The following NCKAP5 variants were observed in gnomAD, a reference collection of about 807,000 sequenced individuals.
NCKAP5 encodes NCK associated protein 5, also known as nck-associated protein 5.
Under a neutral mutation model 167.0 loss-of-function variants are expected in NCKAP5, and 92 were observed. The observed-to-expected ratio is 0.55, with a 90% confidence interval of 0.47 to 0.66. The LOEUF is 0.66. Among genes scored for constraint, NCKAP5 ranks in the 30% least tolerant of loss-of-function variants. NCKAP5 has a pLI of 0.00. For missense variants in NCKAP5, 2,378 were observed against 2,315.0 expected, an observed-to-expected ratio of 1.03 and a Z score of -0.56; for synonymous variants, 891 against 877.4, an observed-to-expected ratio of 1.02 and a Z score of -0.27.
intron 11 of NCKAP5, among the ~76,000 whole-genome samples, chr2:132,839,069 C>T (rs573341833): frequency 1.3e-5 from 2 of 152,244 alleles, no homozygotes; most frequent in Non-Finnish European, 2.9e-5. Context: ...ATGTCTTTTT[C>T]TTGTCCATTT....
chr2:133,076,438 A>G (rs2080605055), intron 6 of NCKAP5, among the ~76,000 whole-genome samples: 1 of 152,204 alleles, frequency 6.6e-6, no homozygotes, highest in Non-Finnish European at 1.5e-5. Context: ...AATTCTAAAT[A>G]AATCTTTTAC....
intron 8 of NCKAP5, among the ~76,000 whole-genome samples, chr2:132,927,723 AT>A (rs1468386213): frequency 6.6e-6 from 1 of 151,994 alleles, no homozygotes; most frequent in Non-Finnish European, 1.5e-5. Context: ...TTGATTTTGT[AT>A]CCTGAAACTT....
chr2:132,803,581 T>C (rs1685201972), intron 11 of NCKAP5, among the ~76,000 whole-genome samples: 1 of 152,236 alleles, frequency 6.6e-6, no homozygotes, highest in South Asian at 2.1e-4. Context: ...ATTCGTGGTC[T>C]CTGCAGCTTA....
Position 133,444,393 on chromosome 2 carries a change from TAG to T in NCKAP5, c.69+73063_69+73064del, listed in dbSNP as rs376451062. On this transcript the variant is annotated intron_variant, in intron 3 of 19. Coordinates refer to ENST00000409261, the MANE Select transcript of NCKAP5 (RefSeq NM_207363.3). Reference sequence around the variant, plus strand: ...ATAGATAGATAGATAGATAGATAGATAGATAGATAGATAGATATAGATATAGA... The same window carrying T: ...ATAGATAGATAGATAGATAGATAGATATAGATAGATAGATATAGATATAGA... Among the ~76,000 whole-genome samples, 696 of 147,840 alleles carry T rather than the reference TAG, an allele frequency of 4.7e-3. 5 individuals carry two copies. Among genetic ancestry groups the T allele is most frequent in the African/African-American group, 0.017 (630 of 37,890 alleles).
At chr2:133,326,079 G>C (rs1194277615) in intron 3 of NCKAP5, among the ~76,000 whole-genome samples, 1 of 152,132 alleles carries the variant, frequency 6.6e-6, no homozygotes, top group Non-Finnish European at 1.5e-5. Context: ...TCTTTAATTT[G>C]TTCTGGACAG....
chr2:133,543,631 C>A (rs1268014987), intron 2 of NCKAP5, among the ~76,000 whole-genome samples: 1 of 152,228 alleles, frequency 6.6e-6, no homozygotes, highest in Non-Finnish European at 1.5e-5. Context: ...TGGCCCCAGG[C>A]CTTTGGCTTT....
intron 3 of NCKAP5, among the ~76,000 whole-genome samples, chr2:133,450,430 C>G (rs535829524): frequency 1.3e-5 from 2 of 152,142 alleles, no homozygotes; most frequent in South Asian, 4.1e-4. Flanking sequence ...TCCATTAATG[C>G]GGCCTATGGT....
At chr2:133,612,783 G>T in the NCKAP5 span, among the ~76,000 whole-genome samples, 1 of 152,158 alleles carries the variant, frequency 6.6e-6, no homozygotes, top group Admixed American at 6.5e-5. Context: ...TGAATACTAA[G>T]AACTACTTTT....
At chr2:133,288,214 A>C (rs1679304954) in intron 4 of NCKAP5, among the ~76,000 whole-genome samples, 2 of 152,180 alleles carry the variant, frequency 1.3e-5, no homozygotes, top group Admixed American at 1.3e-4. Flanking sequence ...CTTTTGGTAC[A>C]TTTTGAATTA....
intron 3 of NCKAP5, among the ~76,000 whole-genome samples, chr2:133,493,080 G>C (rs1487213184): frequency 1.3e-5 from 2 of 152,226 alleles, no homozygotes; most frequent in Non-Finnish European, 2.9e-5. Context: ...AACAGTTCAA[G>C]TGACATTAAA....
chr2:133,481,265 GAA>G (rs1405508860), intron 3 of NCKAP5, among the ~76,000 whole-genome samples: 1 of 152,170 alleles, frequency 6.6e-6, no homozygotes, highest in Admixed American at 6.6e-5. Context: ...CTGGCATGAT[GAA>G]GTGTTGGAAC....
At chr2:133,216,286 G>A (rs1032649188) in intron 4 of NCKAP5, among the ~76,000 whole-genome samples, 3 of 151,200 alleles carry the variant, frequency 2.0e-5, no homozygotes, top group Non-Finnish European at 4.4e-5. Context: ...TTCTTTTCTT[G>A]GTAAAAAGAA....
intron 11 of NCKAP5, among the ~76,000 whole-genome samples, chr2:132,830,618 G>T (rs1015654124): frequency 6.6e-6 from 1 of 152,064 alleles, no homozygotes; most frequent in African/African-American, 2.4e-5. Context: ...TTGCATACTT[G>T]CATATCCTGA....
chr2:133,394,228 G>A (rs960751976), intron 3 of NCKAP5, among the ~76,000 whole-genome samples: 2 of 152,170 alleles, frequency 1.3e-5, no homozygotes, highest in African/African-American at 2.4e-5. Flanking sequence ...AGGTGCTAGC[G>A]AACTAAAAAT....
intron 2 of NCKAP5, among the ~76,000 whole-genome samples, chr2:133,533,517 G>A (rs1192227618): frequency 6.6e-6 from 1 of 152,134 alleles, no homozygotes; most frequent in Non-Finnish European, 1.5e-5. Context: ...ACCCCAAGAA[G>A]AAGAGAAGAT....
chr2:133,647,539 G>GGAAA, the NCKAP5 span, among the ~76,000 whole-genome samples: 10 of 75,744 alleles, frequency 1.3e-4, no homozygotes, highest in African/African-American at 5.4e-4. Flanking sequence ...AAGGAAAGGA[G>GGAAA]GGAGGGAGGG....
chr2:132,721,638 A>G (rs958028827), intron 19 of NCKAP5, among the ~76,000 whole-genome samples: 1 of 152,196 alleles, frequency 6.6e-6, no homozygotes, highest in Non-Finnish European at 1.5e-5. Flanking sequence ...ACCTTTGCCA[A>G]CATTTAGAAA....
intron 6 of NCKAP5, among the ~76,000 whole-genome samples, chr2:133,027,806 G>C (rs2149411734): frequency 6.6e-6 from 1 of 152,078 alleles, no homozygotes; most frequent in East Asian, 1.9e-4. Context: ...AATTGCTCAG[G>C]TATTCAATTT....
At position 132,827,699 on chromosome 2, in the gene NCKAP5, A is replaced by G. The variant is rs144341567; in HGVS notation, c.808-30970T>C. Among the ~76,000 whole-genome samples, 29 of 152,350 alleles carry G rather than the reference A, an allele frequency of 1.9e-4. No homozygotes were observed. In the East Asian group the frequency reaches 5.2e-3, roughly 27 times the overall value. ...CTTTTCATCTATGTGCTATAAAAAAATTACTCAACAAGACATTGTTGTGAT... is the reference window on the plus strand; with the variant it reads ...CTTTTCATCTATGTGCTATAAAAAAGTTACTCAACAAGACATTGTTGTGAT... On this transcript the variant is annotated intron_variant, in intron 11 of 19. Transcript: ENST00000409261.
Sources: allele counts gnomAD v4.1 joint callset (sites outside exome capture counted in the v4.1 genomes callset), GRCh38; gene constraint gnomAD v4.1.1; transcripts MANE v1.5; gene names NCBI Gene and HGNC (gene_info 2026-07-23, HGNC 2026-07-21).